The following NXPE2 variants were observed in gnomAD, a reference collection of about 807,000 sequenced individuals.
NXPE2 encodes the protein neurexophilin and PC-esterase domain family member 2.
Under a neutral mutation model 34.4 loss-of-function variants are expected in NXPE2, and 34 were observed. The observed-to-expected ratio is 0.99, with a 90% CI of 0.75 to 1.31. The LOEUF (loss-of-function observed/expected upper bound fraction) is 1.31, where lower values mean the gene tolerates loss of function less well. Ranked by LOEUF, NXPE2 falls within the 40% of genes most tolerant of loss-of-function variation. The pLI is 0.00. For missense variants in NXPE2, 649 were observed against 672.5 expected (o/e 0.97, Z 0.39); for synonymous variants, 235 against 231.3 (o/e 1.02, Z -0.15).
chr11:114,646,631 T>C, the NXPE2 span, among the ~76,000 whole-genome samples: 1 of 152,090 alleles, frequency 6.6e-6, no homozygotes, highest in Non-Finnish European at 1.5e-5. Flanking sequence ...AACAAGTATT[T>C]TTACTATAAC....
the NXPE2 span, among the ~76,000 whole-genome samples, chr11:114,473,384 A>G: frequency 0.013 from 1,964 of 152,322 alleles, 49 homozygotes; most frequent in African/African-American, 0.044. Context: ...AACTACATGT[A>G]GTTTCTAAAT....
At chr11:114,548,143 A>G in the NXPE2 span, among the ~76,000 whole-genome samples, 1 of 152,208 alleles carries the variant, frequency 6.6e-6, no homozygotes, top group Non-Finnish European at 1.5e-5. Flanking sequence ...AACACAAGCA[A>G]TGAATATTTA....
the NXPE2 span, among the ~76,000 whole-genome samples, chr11:114,802,285 A>T: frequency 1.3e-5 from 2 of 152,136 alleles, no homozygotes; most frequent in African/African-American, 2.4e-5. Context: ...TCTCCCCGTC[A>T]ATCTTTCAAC....
the NXPE2 span, chr11:114,530,725 T>C: frequency 1.2e-6 from 2 of 1,614,046 alleles, no homozygotes; most frequent in Non-Finnish European, 1.7e-6. Context: ...GCACTGGTGG[T>C]GGTGTTCACA....
chr11:114,469,108 G>GATTTT, the NXPE2 span, among the ~76,000 whole-genome samples: 1 of 109,890 alleles, frequency 9.1e-6, no homozygotes, highest in Non-Finnish European at 1.9e-5. Flanking sequence ...TACAGTGCTA[G>GATTTT]CTTTTTTTTT....
chr11:114,810,362 G>A, the NXPE2 span, among the ~76,000 whole-genome samples: 1 of 129,672 alleles, frequency 7.7e-6, no homozygotes, highest in Non-Finnish European at 1.7e-5. Flanking sequence ...AAACTAAAGA[G>A]CTTCTGCACA....
At chr11:114,482,412 C>T in the NXPE2 span, among the ~76,000 whole-genome samples, 2 of 152,146 alleles carry the variant, frequency 1.3e-5, no homozygotes, top group Non-Finnish European at 2.9e-5. Context: ...ACCCTGAGTA[C>T]TCATGAAAGA....
At chr11:114,522,861 T>C in the NXPE2 span, 1 of 1,558,110 alleles carries the variant, frequency 6.4e-7, no homozygotes, top group Admixed American at 1.7e-5. Flanking sequence ...TCTAAGAGAA[T>C]ATAAAGTAAC....
the NXPE2 span, chr11:114,530,277 C>A: frequency 5.6e-6 from 9 of 1,614,212 alleles, no homozygotes; most frequent in Non-Finnish European, 6.8e-6. Context: ...AGGCTTCATA[C>A]AATAGAAGGC....
At chr11:114,716,328 C>T in the NXPE2 span, among the ~76,000 whole-genome samples, 1 of 152,114 alleles carries the variant, frequency 6.6e-6, no homozygotes, top group Admixed American at 6.5e-5. Flanking sequence ...GCCTCTTCTG[C>T]ATGTCATGAA....
chr11:114,580,479 C>A, the NXPE2 span: 1 of 652,046 alleles, frequency 1.5e-6, no homozygotes, highest in Non-Finnish European at 2.6e-6. Context: ...GAAGTATTCT[C>A]TTAATGGAAC....
chr11:114,656,711 T>A, the NXPE2 span, among the ~76,000 whole-genome samples: 1 of 152,056 alleles, frequency 6.6e-6, no homozygotes, highest in African/African-American at 2.4e-5. Flanking sequence ...GAGAGCCAAA[T>A]CATGAAATTA....
chr11:114,746,157 T>C, the NXPE2 span, among the ~76,000 whole-genome samples: 3 of 152,158 alleles, frequency 2.0e-5, no homozygotes, highest in Non-Finnish European at 4.4e-5. Flanking sequence ...AATCTATCTT[T>C]GGTGAACTTC....
chr11:114,700,334 T>C (rs1430508807), intron 3 of NXPE2, among the ~76,000 whole-genome samples: 1 of 152,220 alleles, frequency 6.6e-6, no homozygotes, highest in East Asian at 1.9e-4. Context: ...AACGTGATGG[T>C]TGATGCTATT....
chr11:114,582,225 G>A, the NXPE2 span: 2 of 1,489,618 alleles, frequency 1.3e-6, no homozygotes, highest in South Asian at 2.8e-5. Context: ...CTTTTCTTTG[G>A]ATCAGTATAT....
At chr11:114,543,214 G>A in the NXPE2 span, among the ~76,000 whole-genome samples, 4 of 152,050 alleles carry the variant, frequency 2.6e-5, no homozygotes, top group Non-Finnish European at 4.4e-5. Context: ...AAATTAGTTG[G>A]GCATGGTGGC....
At chr11:114,633,415 T>G in the NXPE2 span, among the ~76,000 whole-genome samples, 1 of 145,712 alleles carries the variant, frequency 6.9e-6, no homozygotes, top group Non-Finnish European at 1.5e-5. Context: ...TTTTATTATA[T>G]GTTATATACA....
At chr11:114,499,211 T>A in the NXPE2 span, among the ~76,000 whole-genome samples, 1 of 152,158 alleles carries the variant, frequency 6.6e-6, no homozygotes, top group Non-Finnish European at 1.5e-5. Flanking sequence ...TACTTCTATA[T>A]CTGTGAATAA....
the NXPE2 span, among the ~76,000 whole-genome samples, chr11:114,639,724 T>TA: frequency 8.2e-6 from 1 of 121,786 alleles, no homozygotes; most frequent in Admixed American, 9.7e-5. Flanking sequence ...TATAATATAG[T>TA]AATATAATAT....
Sources: gnomAD v4.1 joint callset for allele counts (sites outside exome capture counted in the v4.1 genomes callset) on GRCh38, gnomAD v4.1.1 for gene constraint, MANE v1.5 for transcripts, NCBI Gene and HGNC (gene_info 2026-07-23, HGNC 2026-07-21) for gene names.